The following UNC80 variants were observed in gnomAD, a reference collection of about 807,000 sequenced individuals.
The protein encoded by UNC80 is unc-80 subunit of NALCN channel complex, also known as protein unc-80 homolog.
A neutral mutation model predicts 384.6 loss-of-function variants in UNC80; 164 were observed. The ratio of observed to expected loss-of-function variants is 0.43; its 90% CI spans 0.38 to 0.49. The LOEUF is 0.49. Ranked by LOEUF, UNC80 falls within the 20% of genes least tolerant of loss-of-function variation. The probability of loss-of-function intolerance (pLI) is 0.00; values close to 1 mark genes in which losing one functional copy is unlikely to be tolerated. For synonymous variants in UNC80, 1,486 were observed against 1,527.8 expected, an observed-to-expected ratio of 0.97 and a Z score of 0.64; for missense variants, 3,330 against 4,143.0, an observed-to-expected ratio of 0.80 and a Z score of 5.39.
intron 40 of UNC80, 103 bp downstream of exon 40, chr2:209,935,911 G>C: frequency 1.5e-6 from 1 of 663,178 alleles, no homozygotes; most frequent in Non-Finnish European, 2.6e-6. Context: ...TCTTTAAATG[G>C]ATGTATGCAT....
rs35804573 is a variant in UNC80, at chr2:209,971,464, C to CAAAAA, written c.8256+521_8256+525dup. On this transcript the variant is annotated intron_variant, in intron 54 of 64. Coordinates refer to ENST00000673920, the MANE Select transcript of UNC80 (RefSeq NM_001371986.1). ...AAAATTAAAATAATCATTCCCAAGG[C>CAAAAA]AAAAAAAAAAAAAAAAAATTGCAGA... Among the ~76,000 whole-genome samples the CAAAAA allele has an allele frequency of 2.9e-4, 39 of 133,760 alleles. 1 individual carries two copies. Among genetic ancestry groups the CAAAAA allele is most frequent in the African/African-American group, 1.1e-3 (38 of 35,926 alleles). The allele number at this position is 133,760 out of a possible 152,430, so 87.8% of individuals were successfully genotyped here.
chr2:209,878,249 C>A (rs909863263), intron 24 of UNC80, among the ~76,000 whole-genome samples, 160 bp downstream of exon 24: 4 of 152,172 alleles, frequency 2.6e-5, no homozygotes, highest in African/African-American at 9.7e-5. Flanking sequence ...AAAGCATGTG[C>A]ATAAAGCCAC....
chr2:209,929,932 T>C lies in UNC80; in HGVS notation c.5868T>C (p.Leu1956=). ...TAATTGAAGATCCATCAACGGTTCT[T>C]CGACATTTTCTGGAAAAACTGACCA... ...NCLIEDPSTV[L]RHFLEKLTIS... is the part of the protein sequence containing the mutation. The change falls in exon 37 of 65, where the codon CTT becomes CTC. Residue 1956 remains leucine, a synonymous_variant. Coordinates refer to ENST00000673920, the MANE Select transcript of UNC80 (RefSeq NM_001371986.1). The C allele has an allele frequency of 6.5e-7, 1 of 1,540,978 alleles. No individual in the cohort carries two copies. The highest frequency in any genetic ancestry group is 8.7e-7 in the Non-Finnish European group (1 of 1,143,234).
chr2:209,959,731 C>A (rs1467383489), intron 51 of UNC80, 24 bp downstream of exon 51: 10 of 1,546,630 alleles, frequency 6.5e-6, no homozygotes. Context: ...TTTCCCTGCC[C>A]CAAGTGTGAA....
chr2:209,817,793 G>T lies in UNC80; in HGVS notation c.1553-19G>T, dbSNP rs1266774186. On this transcript the variant is annotated intron_variant, in intron 10 of 64. Transcript: ENST00000673920. Reference sequence around the variant, plus strand: ...TCAGATTTTAAAACCCTCTTGTGGGGTGCTCTTATTCATCCCAGGGAAATT... The same window carrying T: ...TCAGATTTTAAAACCCTCTTGTGGGTTGCTCTTATTCATCCCAGGGAAATT... 1 of 1,551,348 alleles carries T rather than the reference G, an allele frequency of 6.4e-7. No homozygotes were observed. The highest frequency in any genetic ancestry group is 1.4e-5 in the African/African-American group (1 of 72,992).
chr2:209,832,251 G>A (rs1033458991), intron 16 of UNC80, among the ~76,000 whole-genome samples: 6 of 151,940 alleles, frequency 3.9e-5, no homozygotes, highest in African/African-American at 1.5e-4. Flanking sequence ...ACAAATTACC[G>A]CTAACGAACT....
intron 7 of UNC80, among the ~76,000 whole-genome samples, chr2:209,809,756 G>C (rs1210311233): frequency 6.6e-6 from 1 of 152,148 alleles, no homozygotes; most frequent in African/African-American, 2.4e-5. Context: ...ACCATTTTCC[G>C]GTTCTGTTTC....
At position 209,917,232 on chromosome 2, in the gene UNC80, G is replaced by C. The variant is rs983465933; in HGVS notation, c.5030-545G>C. ...AGCTTTATAACCTATCATGGAACCT[G>C]GCCTTTCACTTACTGATATTTGGCT... On this transcript the variant is annotated intron_variant, in intron 31 of 64. Coordinates refer to ENST00000673920, the MANE Select transcript of UNC80 (RefSeq NM_001371986.1). Among the ~76,000 whole-genome samples the C allele has an allele frequency of 2.8e-4, 42 of 152,174 alleles. 1 individual carries two copies. The highest frequency in any genetic ancestry group is 9.6e-4 in the African/African-American group (40 of 41,508).
At chr2:209,777,215 C>T (rs757268838) in intron 3 of UNC80, 43 bp from the exon 4 acceptor site, 37 of 1,532,482 alleles carry the variant, frequency 2.4e-5, no homozygotes, top group Non-Finnish European at 3.1e-5. Flanking sequence ...TTGCCCTGGT[C>T]ACAGAGTTTT....
At chr2:209,818,764 G>T (rs2079925931) in intron 11 of UNC80, among the ~76,000 whole-genome samples, 1 of 152,180 alleles carries the variant, frequency 6.6e-6, no homozygotes, top group African/African-American at 2.4e-5. Context: ...CCTTAAGGAA[G>T]CCAGTTATAA....
chr2:209,941,443 T>A lies in UNC80; in HGVS notation c.6869T>A (p.Leu2290His). The change falls in exon 44 of 65, where the codon CTC becomes CAC. Residue 2290 changes from leucine to histidine, a missense_variant. Coordinates refer to ENST00000673920, the MANE Select transcript of UNC80 (RefSeq NM_001371986.1). ...AACACCGCGGTGCACTTCAACCACCTCTTCTCTCTCAGCGGCTACCAGTGG... is the reference window on the plus strand; with the variant it reads ...AACACCGCGGTGCACTTCAACCACCACTTCTCTCTCAGCGGCTACCAGTGG... Reference protein sequence around the residue: ...VINTAVHFNHLFSLSGYQWIL... With the variant: ...VINTAVHFNHHFSLSGYQWIL... 1 of 1,545,048 alleles carries A rather than the reference T, an allele frequency of 6.5e-7. No homozygotes were observed. The highest frequency in any genetic ancestry group is 1.4e-5 in the African/African-American group (1 of 73,060).
intron 22 of UNC80, among the ~76,000 whole-genome samples, chr2:209,855,072 A>C (rs1217203394): frequency 6.6e-6 from 1 of 152,356 alleles, no homozygotes; most frequent in African/African-American, 2.4e-5. Flanking sequence ...TAGACCGGAT[A>C]AAGAAAATGT....
intron 4 of UNC80, among the ~76,000 whole-genome samples, chr2:209,782,336 C>T (rs1420498760): frequency 6.6e-6 from 1 of 152,160 alleles, no homozygotes; most frequent in Non-Finnish European, 1.5e-5. Context: ...ACATAACATA[C>T]TTTTTTTCAG....
At chr2:209,967,375 A>G in intron 51 of UNC80, 62 bp from the exon 52 acceptor site, 1 of 1,288,816 alleles carries the variant, frequency 7.8e-7, no homozygotes, top group Non-Finnish European at 1.0e-6. Context: ...GTGTAAAAAA[A>G]TTCCTGTTGT....
intron 58 of UNC80, among the ~76,000 whole-genome samples, chr2:209,978,327 A>T (rs1417295917): frequency 6.6e-6 from 1 of 152,230 alleles, no homozygotes; most frequent in Non-Finnish European, 1.5e-5. Context: ...CAAGGGAACT[A>T]TTTAATTATA....
chr2:209,880,509 T>C (rs995076563), intron 24 of UNC80, among the ~76,000 whole-genome samples: 1 of 152,200 alleles, frequency 6.6e-6, no homozygotes, highest in Non-Finnish European at 1.5e-5. Context: ...GACAGAATTT[T>C]TATAGCTCCA....
In UNC80 at chr2:209,951,296, T is replaced by TA. The variant is rs1444214100; in HGVS notation, c.7287-2804_7287-2803insA. On this transcript the variant is annotated intron_variant, in intron 47 of 64. Transcript: ENST00000673920. ...ATTTGAATTTAACGTGTCCTTTTTT[T>TA]TTCTCTCTCTCTCTCTTTTGAGATG... Among the ~76,000 whole-genome samples, 56 of 133,774 alleles carry TA rather than the reference T, an allele frequency of 4.2e-4. 1 individual carries two copies. The highest frequency in any genetic ancestry group is 3.6e-3 in the Middle Eastern group (1 of 280). 87.8% of individuals were successfully genotyped at this position (133,774 alleles called of 152,430 possible).
chr2:209,776,865 G>A (rs139566441), intron 3 of UNC80, among the ~76,000 whole-genome samples: 12 of 152,232 alleles, frequency 7.9e-5, no homozygotes, highest in Admixed American at 2.0e-4. Flanking sequence ...CCACGTTAGC[G>A]TACATACTCT....
intron 21 of UNC80, among the ~76,000 whole-genome samples, chr2:209,848,575 T>C (rs2082315027): frequency 6.6e-6 from 1 of 152,180 alleles, no homozygotes; most frequent in Non-Finnish European, 1.5e-5. Flanking sequence ...TTCATGCTCT[T>C]TTAAATGTAT....
Sources: allele counts gnomAD v4.1 joint callset (sites outside exome capture counted in the v4.1 genomes callset), GRCh38; gene constraint gnomAD v4.1.1; transcripts MANE v1.5; gene names NCBI Gene and HGNC (gene_info 2026-07-23, HGNC 2026-07-21).